The following CPXM2 variants were observed in gnomAD, a reference collection of about 807,000 sequenced individuals.
The protein encoded by CPXM2 is carboxypeptidase X, M14 family member 2, also known as inactive carboxypeptidase-like protein X2.
CPXM2 carries 66 observed loss-of-function variants against 86.1 expected under a neutral mutation model. The ratio of observed to expected loss-of-function variants is 0.77; its 90% CI spans 0.63 to 0.94. The LOEUF is 0.94. CPXM2 is among the 40% of genes least tolerant of loss of function. The pLI is 0.00. For synonymous variants in CPXM2, 388 were observed against 400.2 expected (o/e 0.97, Z 0.36); for missense variants, 948 against 1,026.3 (o/e 0.92, Z 1.04).
At chr10:123,758,528 C>T (rs1846266348) in intron 11 of CPXM2, among the ~76,000 whole-genome samples, 1 of 152,138 alleles carries the variant, frequency 6.6e-6, no homozygotes, top group Admixed American at 6.5e-5. Flanking sequence ...ATCTGGAGAC[C>T]TTGAATATAA....
At chr10:123,846,164 T>C (rs1212225577) in intron 3 of CPXM2, among the ~76,000 whole-genome samples, 1 of 152,218 alleles carries the variant, frequency 6.6e-6, no homozygotes, top group Non-Finnish European at 1.5e-5. Flanking sequence ...AAGCATATTA[T>C]ATGTATTGTG....
At position 123,746,806 on chromosome 10, in the gene CPXM2, C is replaced by A. The variant is rs1486145785; in HGVS notation, c.2229G>T (p.Arg743Ser). Reference sequence around the variant, plus strand: ...TCTTCTGCCCCCGCAGCTTCAGCCGCCTGGCTGGCAGGCTGACGGGCTGCT... The same window carrying A: ...TCTTCTGCCCCCGCAGCTTCAGCCGACTGGCTGGCAGGCTGACGGGCTGCT... The part of the protein sequence containing the change: ...FGKQPVSLPA[R>S]RLKLRGQKRR... The change falls in exon 14 of 14, where the codon AGG (arginine) becomes AGT (serine). Residue 743 changes from arginine to serine, a missense_variant. By Grantham distance (110) the Arg-to-Ser change is moderately radical. Transcript: ENST00000241305. 3.0e-5 allele frequency: 49 copies of A among 1,614,086 alleles called. No homozygotes were observed. The highest frequency in any genetic ancestry group is 4.0e-5 in the Non-Finnish European group (47 of 1,180,012).
intron 4 of CPXM2, among the ~76,000 whole-genome samples, chr10:123,828,249 G>A (rs142872568): frequency 1.6e-4 from 24 of 152,256 alleles, no homozygotes; most frequent in African/African-American, 3.9e-4. Flanking sequence ...GTTTACAAGT[G>A]CAAAATCAAT....
chr10:123,850,493 G>T (rs183015112), intron 3 of CPXM2, among the ~76,000 whole-genome samples: 1 of 152,154 alleles, frequency 6.6e-6, no homozygotes, highest in Non-Finnish European at 1.5e-5. Flanking sequence ...ACCATCCAAC[G>T]TTGATGTGAA....
intron 6 of CPXM2, among the ~76,000 whole-genome samples, chr10:123,794,734 C>CGTGTGTGTGTGTGTGTGTGT (rs142855432): frequency 2.1e-5 from 3 of 141,244 alleles, no homozygotes; most frequent in East Asian, 2.1e-4. Flanking sequence ...TATTTAAGAC[C>CGTGTGTGTGTGTGTGTGTGT]GTGTGTGTGT....
chr10:123,803,730 C>T (rs572178124), intron 4 of CPXM2, among the ~76,000 whole-genome samples: 7 of 152,138 alleles, frequency 4.6e-5, no homozygotes, highest in East Asian at 1.9e-4. Flanking sequence ...GATGCGATCT[C>T]GGCTCACTGC....
chr10:123,902,776 G>A (rs985782567), intron 2 of CPXM2, among the ~76,000 whole-genome samples: 8 of 152,152 alleles, frequency 5.3e-5, no homozygotes, highest in Non-Finnish European at 1.0e-4. Context: ...ATATGAATTT[G>A]ACAGGGGAAA....
rs1945005423 is a variant in CPXM2, at chr10:123,877,383, A to T, written c.403+2828T>A. On this transcript the variant is annotated intron_variant, in intron 2 of 13. Transcript: ENST00000241305. ...TATAACAAGCAACCCCTAACTCTTA[A>T]TGGCACACAATTCGCATTTACTTTC... 2.6e-5 allele frequency among the ~76,000 whole-genome samples: 4 copies of T among 152,316 alleles called. No individual in the cohort carries two copies. The South Asian group carries it at 8.3e-4, about 32-fold the overall frequency.
chr10:123,770,841 G>C, intron 8 of CPXM2, 75 bp downstream of exon 8: 1 of 1,438,630 alleles, frequency 7.0e-7, no homozygotes, highest in South Asian at 1.3e-5. Context: ...CTTCTCATAG[G>C]GTGAACAGTC....
intron 4 of CPXM2, among the ~76,000 whole-genome samples, chr10:123,833,469 G>C (rs1848211012): frequency 1.3e-5 from 2 of 152,252 alleles, no homozygotes; most frequent in Non-Finnish European, 2.9e-5. Flanking sequence ...GGGTGCTGGA[G>C]GTCCCAGCTA....
rs973817531 is a variant in CPXM2, at chr10:123,865,216, T to C, written c.404-2493A>G. On this transcript the variant is annotated intron_variant, in intron 2 of 13. Coordinates refer to ENST00000241305, the MANE Select transcript of CPXM2 (RefSeq NM_198148.3). The surrounding 1 kb of genome is among the most constrained non-coding windows in gnomAD (Gnocchi z 4.7). ...CCCAATGCTCTGACACTGGGATTTTTTGTCCTTATTAGAAGATGCTATTTT... is the reference window on the plus strand; with the variant it reads ...CCCAATGCTCTGACACTGGGATTTTCTGTCCTTATTAGAAGATGCTATTTT... Among the ~76,000 whole-genome samples the C allele has an allele frequency of 9.2e-5, 14 of 152,348 alleles. No homozygotes were observed. Among genetic ancestry groups the C allele is most frequent in the African/African-American group, 3.1e-4 (13 of 41,584 alleles).
chr10:123,780,957 C>T (rs1343141086), intron 6 of CPXM2, among the ~76,000 whole-genome samples: 1 of 152,212 alleles, frequency 6.6e-6, no homozygotes, highest in African/African-American at 2.4e-5. Context: ...AGTAAGAATA[C>T]AGAAGCATGT....
intron 2 of CPXM2, among the ~76,000 whole-genome samples, chr10:123,866,436 C>T (rs571172294): frequency 6.6e-6 from 1 of 152,128 alleles, no homozygotes; most frequent in African/African-American, 2.4e-5. Context: ...TGTGGTGGTA[C>T]ACGCTGTAAT....
At position 123,770,938 on chromosome 10, in the gene CPXM2, A is replaced by T. The variant is rs1846614435; in HGVS notation, c.1080T>A (p.Asp360Glu). 6.2e-7 allele frequency: 1 copy of T among 1,610,332 alleles called. No homozygotes were observed. Among genetic ancestry groups the T allele is most frequent in the Non-Finnish European group, 8.5e-7 (1 of 1,178,550 alleles). The change falls in exon 8 of 14, where the codon GAT (aspartate) becomes GAA (glutamate). Residue 360 changes from aspartate (D) to glutamate (E), a missense_variant. Physicochemically the swap from Asp to Glu is conservative, Grantham distance 45. Coordinates refer to ENST00000241305, the MANE Select transcript of CPXM2 (RefSeq NM_198148.3). ...GLKLYAVEIS[D>E]HPGEHEVGEP... is the part of the protein sequence containing the mutation. ...CACCGACTTCATGCTCCCCAGGGTG[A>T]TCTGAGATCTCCACAGCATACAGCT... is the stretch of plus-strand genomic sequence containing the variant.
chr10:123,811,352 A>G (rs1462166997), intron 4 of CPXM2, among the ~76,000 whole-genome samples: 1 of 151,930 alleles, frequency 6.6e-6, no homozygotes, highest in Non-Finnish European at 1.5e-5. Flanking sequence ...CCTGTGTCCA[A>G]GTGTTCTCAT....
intron 2 of CPXM2, among the ~76,000 whole-genome samples, chr10:123,918,530 C>T (rs566743206): frequency 6.6e-6 from 1 of 152,308 alleles, no homozygotes; most frequent in East Asian, 1.9e-4. Flanking sequence ...GACACTAGAA[C>T]AGCTAAATCC....
chr10:123,908,222 C>A (rs1234161830), intron 2 of CPXM2, among the ~76,000 whole-genome samples: 1 of 150,640 alleles, frequency 6.6e-6, no homozygotes, highest in African/African-American at 2.4e-5. Context: ...GGAGTGGCCG[C>A]AGGTGGGAAG....
intron 2 of CPXM2, among the ~76,000 whole-genome samples, chr10:123,874,416 C>G (rs1243679494): frequency 6.6e-6 from 1 of 151,984 alleles, no homozygotes; most frequent in East Asian, 1.9e-4. Flanking sequence ...CCCCCAAATA[C>G]CATCACCTTG....
chr10:123,891,418 C>G lies in CPXM2; in HGVS notation c.242G>C (p.Arg81Thr). 1.3e-6 allele frequency: 2 copies of G among 1,562,266 alleles called. No individual in the cohort carries two copies. Among genetic ancestry groups the G allele is most frequent in the Non-Finnish European group, 1.7e-6 (2 of 1,153,086 alleles). Reference protein sequence around the residue: ...RRPQEPRPPKRATKPKKAPKR... With the variant: ...RRPQEPRPPKTATKPKKAPKR... ...GGGAGCTTTCTTGGGCTTGGTGGCC[C>G]TCTTGGGCGGCCTGGGCTCCTGCGG... Residue 81 changes from arginine (R) to threonine (T), a missense_variant, in exon 1 of 14, where the codon AGG becomes ACG. Coordinates refer to ENST00000241305, the MANE Select transcript of CPXM2 (RefSeq NM_198148.3). This position sits in a 1 kb window ranked among gnomAD's most constrained non-coding sequence, Gnocchi z 5.6.
Sources: allele counts gnomAD v4.1 joint callset (sites outside exome capture counted in the v4.1 genomes callset), GRCh38; gene constraint gnomAD v4.1.1; non-coding constraint Gnocchi (gnomAD v3.1); transcripts MANE v1.5; gene names NCBI Gene and HGNC (gene_info 2026-07-23, HGNC 2026-07-21).